Variants in RBFOX2 observed in about 807,000 individuals in gnomAD.
RBFOX2 encodes RNA binding fox-1 homolog 2, also known as RNA binding protein fox-1 homolog 2.
Under a neutral mutation model 49.1 loss-of-function variants are expected in RBFOX2, and 10 were observed. That is an observed-to-expected ratio of 0.20 (90% CI 0.13 to 0.35). RBFOX2 has a LOEUF of 0.35. RBFOX2 is among the 10% of genes least tolerant of loss of function. RBFOX2 has a pLI of 1.00. For synonymous variants in RBFOX2, 183 were observed against 187.4 expected (o/e 0.98, Z 0.19); for missense variants, 323 against 486.9 (o/e 0.66, Z 3.17).
At chr22:35,987,834 A>G (rs1037255159) in intron 1 of RBFOX2, among the ~76,000 whole-genome samples, 13 of 152,342 alleles carry the variant, frequency 8.5e-5, no homozygotes, top group African/African-American at 3.1e-4. Flanking sequence ...TGACTGGTGC[A>G]TCTAAAAATG....
intron 2 of RBFOX2, among the ~76,000 whole-genome samples, chr22:35,807,989 T>G (rs1254223448): frequency 6.6e-6 from 1 of 151,800 alleles, no homozygotes; most frequent in Admixed American, 6.6e-5. Flanking sequence ...TGAAGCAAAT[T>G]GCTAAAAAGA....
intron 1 of RBFOX2, among the ~76,000 whole-genome samples, chr22:35,878,475 G>A (rs539785815): frequency 6.6e-6 from 1 of 152,222 alleles, no homozygotes; most frequent in African/African-American, 2.4e-5. Context: ...CACAATTAGA[G>A]CTCACTGCAG....
chr22:35,939,940 T>C (rs901832025), upstream of RBFOX2, among the ~76,000 whole-genome samples: 3 of 152,214 alleles, frequency 2.0e-5, no homozygotes, highest in African/African-American at 4.8e-5. Flanking sequence ...AATGAGAACA[T>C]ACATTGCTTT....
At chr22:35,901,087 T>A (rs1211430523) in intron 1 of RBFOX2, among the ~76,000 whole-genome samples, 3 of 152,214 alleles carry the variant, frequency 2.0e-5, no homozygotes, top group Non-Finnish European at 4.4e-5. Flanking sequence ...ATCTTCACAA[T>A]ATCTCTGTAA....
intron 2 of RBFOX2, among the ~76,000 whole-genome samples, chr22:35,796,957 G>C (rs1271864015): frequency 6.6e-6 from 1 of 152,066 alleles, no homozygotes; most frequent in Non-Finnish European, 1.5e-5. Context: ...CCTTGAAGTG[G>C]CAGGCCCACT....
rs750174699 is a variant in RBFOX2, at chr22:35,805,537, C to T, written c.252+4243G>A. On this transcript the variant is annotated intron_variant, in intron 2 of 11. Transcript: ENST00000405409. ...ATTCATTGCTGGTGGAAATGCAAAACGGTAGAGCCACTCTGGAATGTAGTT... is the reference window on the plus strand; with the variant it reads ...ATTCATTGCTGGTGGAAATGCAAAATGGTAGAGCCACTCTGGAATGTAGTT... Among the ~76,000 whole-genome samples the T allele has an allele frequency of 1.3e-4, 20 of 152,132 alleles. No homozygotes were observed. In the South Asian group the frequency reaches 1.9e-3, roughly 14 times the overall value.
chr22:35,765,850 G>A (rs1159648107), intron 5 of RBFOX2, among the ~76,000 whole-genome samples: 1 of 152,124 alleles, frequency 6.6e-6, no homozygotes, highest in Non-Finnish European at 1.5e-5. Flanking sequence ...TAAAACAGAG[G>A]CTTGCCACAT....
chr22:35,854,579 G>T (rs1186999813), intron 1 of RBFOX2, among the ~76,000 whole-genome samples: 1 of 150,502 alleles, frequency 6.6e-6, no homozygotes, highest in Non-Finnish European at 1.5e-5. Flanking sequence ...GGGCAACACA[G>T]CAAGACCCTG....
intron 1 of RBFOX2, among the ~76,000 whole-genome samples, chr22:35,835,796 G>A (rs1445670920): frequency 1.3e-5 from 2 of 152,162 alleles, no homozygotes; most frequent in Admixed American, 6.5e-5. Flanking sequence ...ATGAAATTCT[G>A]TTTATCTTTT....
At chr22:35,924,452 C>T (rs529322302) in intron 1 of RBFOX2, among the ~76,000 whole-genome samples, 1 of 152,298 alleles carries the variant, frequency 6.6e-6, no homozygotes, top group South Asian at 2.1e-4. Flanking sequence ...TAAGAGCCTT[C>T]TATGGCTCCA....
At chr22:35,800,564 C>T (rs1024255669) in intron 2 of RBFOX2, among the ~76,000 whole-genome samples, 3 of 152,270 alleles carry the variant, frequency 2.0e-5, no homozygotes, top group Non-Finnish European at 4.4e-5. Flanking sequence ...AACTGACGTT[C>T]TTAACTCTTC....
chr22:35,756,182 C>A (rs1395830842), intron 9 of RBFOX2, 38 bp from the exon 11 acceptor site: 2 of 1,481,262 alleles, frequency 1.4e-6, no homozygotes, highest in Non-Finnish European at 9.0e-7. Context: ...ACAAAAAAAA[C>A]AAAAGAACAG....
At chr22:35,833,272 C>T (rs1320999499) in intron 1 of RBFOX2, among the ~76,000 whole-genome samples, 4 of 152,080 alleles carry the variant, frequency 2.6e-5, no homozygotes, top group African/African-American at 9.7e-5. Context: ...TTAAAGGGAA[C>T]GTTCAGCAGT....
At chr22:35,789,786 T>C (rs1006487567) in intron 2 of RBFOX2, among the ~76,000 whole-genome samples, 1 of 151,804 alleles carries the variant, frequency 6.6e-6, no homozygotes. Context: ...GTGGTGGTTG[T>C]TGTTTTGGTT....
At chr22:35,998,338 C>T (rs2058273128) in intron 1 of RBFOX2, 1 of 152,074 alleles carries the variant, frequency 6.6e-6, no homozygotes, top group African/African-American at 2.4e-5. Context: ...ATTTCCTGCA[C>T]ACACTACCTC....
At chr22:35,818,746 C>G (rs1014681752) in intron 1 of RBFOX2, among the ~76,000 whole-genome samples, 2 of 152,172 alleles carry the variant, frequency 1.3e-5, no homozygotes, top group African/African-American at 4.8e-5. Context: ...TAGATCACAC[C>G]ACTGTACTCC....
At chr22:35,745,519 A>G (rs994029068) in intron 11 of RBFOX2, among the ~76,000 whole-genome samples, 6 of 152,204 alleles carry the variant, frequency 3.9e-5, no homozygotes. Context: ...TTTGCATTTG[A>G]AACTTAAGTT....
At chr22:35,746,162 G>T (rs1046921256) in intron 10 of RBFOX2, among the ~76,000 whole-genome samples, 167 bp from the exon 13 acceptor site, 1 of 152,114 alleles carries the variant, frequency 6.6e-6, no homozygotes, top group Admixed American at 6.5e-5. Flanking sequence ...ACTCCCAAAT[G>T]CAATAACTGA....
intron 1 of RBFOX2, among the ~76,000 whole-genome samples, chr22:35,818,888 C>T (rs572087260): frequency 6.6e-6 from 1 of 152,232 alleles, no homozygotes; most frequent in South Asian, 2.1e-4. Context: ...TTTAATTATG[C>T]TTTATAAATT....
Sources: allele counts gnomAD v4.1 joint callset (sites outside exome capture counted in the v4.1 genomes callset), GRCh38; gene constraint gnomAD v4.1.1; transcripts MANE v1.5; gene names NCBI Gene and HGNC (gene_info 2026-07-23, HGNC 2026-07-21).